MRPS14: variants seen among roughly 807,000 people sequenced by gnomAD.
MRPS14 encodes mitochondrial ribosomal protein S14, also known as small ribosomal subunit protein uS14m.
In MRPS14, 14 loss-of-function variants were observed where a neutral mutation model predicts 16.4. The observed-to-expected ratio is 0.85, with a 90% CI of 0.56 to 1.33. The LOEUF (loss-of-function observed/expected upper bound fraction) is 1.33, where lower values mean the gene tolerates loss of function less well. Ranked by LOEUF, MRPS14 falls within the 40% of genes most tolerant of loss-of-function variation. MRPS14 has a pLI of 0.00. For synonymous variants in MRPS14, 54 were observed against 61.9 expected (o/e 0.87, Z 0.60); for missense variants, 162 against 176.8 (o/e 0.92, Z 0.48).
Position 175,014,534 on chromosome 1 carries a change from G to C in MRPS14, c.*135C>G, listed in dbSNP as rs1672843888. The C allele has an allele frequency of 1.3e-6, 1 of 758,372 alleles. No individual in the cohort carries two copies. Among genetic ancestry groups the C allele is most frequent in the Non-Finnish European group, 2.0e-6 (1 of 496,142 alleles). The allele number at this position is 758,372 out of a possible 1,614,324, so 47.0% of individuals were successfully genotyped here. ...ATGTCTTCATTTTAAAAGTAGTTTA[G>C]AGATAGCATCAGGTAGGCCAAACAA... On this transcript the variant is annotated 3_prime_UTR_variant, in exon 3 of 3. Coordinates refer to ENST00000476371, the MANE Select transcript of MRPS14 (RefSeq NM_022100.3).
chr1:175,014,623 C>G lies in MRPS14; in HGVS notation c.*46G>C. 6.4e-7 allele frequency: 1 copy of G among 1,551,640 alleles called. No individual in the cohort carries two copies. Among genetic ancestry groups the G allele is most frequent in the Non-Finnish European group, 8.7e-7 (1 of 1,150,406 alleles). On this transcript the variant is annotated 3_prime_UTR_variant, in exon 3 of 3. Coordinates refer to ENST00000476371, the MANE Select transcript of MRPS14 (RefSeq NM_022100.3). ...TAAAAAAAATCTTTGCTTGCTGGAACTGCAAGCTTGGCTTCCCTGCAAGCT... is the reference window on the plus strand; with the variant it reads ...TAAAAAAAATCTTTGCTTGCTGGAAGTGCAAGCTTGGCTTCCCTGCAAGCT...
chr1:175,020,735 C>T (rs1046598048), intron 1 of MRPS14, among the ~76,000 whole-genome samples: 7 of 152,140 alleles, frequency 4.6e-5, no homozygotes, highest in African/African-American at 1.7e-4. Flanking sequence ...TCTTGAAATC[C>T]CAAAGTAATA....
chr1:175,021,227 G>A (rs1382261987), intron 1 of MRPS14, among the ~76,000 whole-genome samples: 1 of 152,068 alleles, frequency 6.6e-6, no homozygotes, highest in Non-Finnish European at 1.5e-5. Flanking sequence ...CATTGTTGCA[G>A]TCATCTACCA....
intron 2 of MRPS14, 82 bp from the exon 3 acceptor site, chr1:175,014,933 C>CTTTTTTTTTTTTTTTTTT (rs368085151): frequency 1.3e-6 from 1 of 743,490 alleles, no homozygotes; most frequent in Non-Finnish European, 1.9e-6. Context: ...AGGTAATTTT[C>CTTTTTTTTTTTTTTTTTT]TTTTCTTTTT....
rs1330135950 is a variant in MRPS14, at chr1:175,013,211, G to A, written c.*1458C>T. 6.6e-6 allele frequency: 1 copy of A among 152,162 alleles called. No individual in the cohort carries two copies. Among genetic ancestry groups the A allele is most frequent in the African/African-American group, 2.4e-5 (1 of 41,424 alleles). The allele number at this position is 152,162 out of a possible 1,614,324, so 9.4% of individuals were successfully genotyped here. A position where few individuals can be genotyped will look rare whatever the true frequency, so the allele number is the denominator to read the frequency against. The stretch of plus-strand genomic sequence containing the variant: ...TTCCCTCATAACTTCACCTCCACCT[G>A]AGTTTCGGACTCTGCTATCCAGCTG... On this transcript the variant is annotated 3_prime_UTR_variant, in exon 3 of 3. Coordinates refer to ENST00000476371, the MANE Select transcript of MRPS14 (RefSeq NM_022100.3).
intron 1 of MRPS14, among the ~76,000 whole-genome samples, chr1:175,019,452 T>G (rs1672939517): frequency 2.0e-5 from 3 of 151,984 alleles, no homozygotes; most frequent in Non-Finnish European, 4.4e-5. Flanking sequence ...TGGCTGTTTT[T>G]TTTGTTTTGT....
At chr1:175,017,636 A>T (rs1672906864) in intron 2 of MRPS14, among the ~76,000 whole-genome samples, 1 of 152,146 alleles carries the variant, frequency 6.6e-6, no homozygotes, top group African/African-American at 2.4e-5. Context: ...TAGGTGCAGG[A>T]CTTTATGCTT....
At position 175,023,370 on chromosome 1, in the gene MRPS14, GAA is replaced by G; in HGVS notation, c.37_38del (p.Phe13GlnfsTer33). On this transcript the variant is annotated frameshift_variant, in exon 1 of 3. Transcript: ENST00000476371. LOFTEE classifies it high-confidence loss of function. ...ATAAAAGTAGAGGCCTGACCTGCTT[GAA>G]CGTCCGCAGCAGCGAGCCCAGCATG... ...AFMLGSLLRT[F>X]KQMVPSSASG... is the part of the protein sequence containing the mutation. 6.2e-7 allele frequency: 1 copy of G among 1,614,142 alleles called. No individual in the cohort carries two copies. Among genetic ancestry groups the G allele is most frequent in the South Asian group, 1.1e-5 (1 of 91,054 alleles).
intron 2 of MRPS14, among the ~76,000 whole-genome samples, chr1:175,015,821 CAAATT>C (rs1672872423): frequency 6.6e-6 from 1 of 152,136 alleles, no homozygotes; most frequent in African/African-American, 2.4e-5. Flanking sequence ...TAAAATAACA[CAAATT>C]AAATGAAAGT....
intron 2 of MRPS14, among the ~76,000 whole-genome samples, chr1:175,016,175 CAA>C (rs1039334763): frequency 7.2e-6 from 1 of 138,736 alleles, no homozygotes; most frequent in African/African-American, 2.7e-5. Flanking sequence ...GCCTGGGCAA[CAA>C]GAGCAAAACC....
chr1:175,015,869 C>T (rs1021900868), intron 2 of MRPS14, among the ~76,000 whole-genome samples: 3 of 152,172 alleles, frequency 2.0e-5, no homozygotes, highest in Non-Finnish European at 4.4e-5. Flanking sequence ...AAAGCTTATG[C>T]ATGTGTTACC....
chr1:175,023,261 C>T (rs1314964226), intron 1 of MRPS14, 103 bp downstream of exon 1: 2 of 1,563,320 alleles, frequency 1.3e-6, no homozygotes, highest in Admixed American at 1.9e-5. Flanking sequence ...AACCCCTGGA[C>T]TGGTCCTCAC....
Position 175,018,440 on chromosome 1 carries a change from G to C in MRPS14, c.182C>G (p.Thr61Ser). 6.2e-7 allele frequency: 1 copy of C among 1,601,040 alleles called. No individual in the cohort carries two copies. Among genetic ancestry groups the C allele is most frequent in the Non-Finnish European group, 8.5e-7 (1 of 1,176,402 alleles). ...AACCTGAAGAATTTTTGGCAAAATG[G>C]TATTCTTCCTGAGTGAATTAATACG... ...RLRINSLRKN[T>S]ILPKILQDVA... The change falls in exon 2 of 3, where the codon ACC becomes AGC. Residue 61 changes from threonine to serine, a missense_variant. Physicochemically the swap from Thr to Ser is moderately conservative, Grantham distance 58. Transcript: ENST00000476371.
rs1245540859 is a variant in MRPS14, at chr1:175,013,272, A to G, written c.*1397T>C. ...TTCATCAGATGACACAGGCATCTCCAACACCGCATGACTGGAACCTGAACT... is the reference window on the plus strand; with the variant it reads ...TTCATCAGATGACACAGGCATCTCCGACACCGCATGACTGGAACCTGAACT... On this transcript the variant is annotated 3_prime_UTR_variant, in exon 3 of 3. Transcript: ENST00000476371. 1 of 152,204 alleles carries G rather than the reference A, an allele frequency of 6.6e-6. No individual in the cohort carries two copies. The highest frequency in any genetic ancestry group is 2.4e-5 in the African/African-American group (1 of 41,440). 9.4% of individuals were successfully genotyped at this position (152,204 alleles called of 1,614,324 possible). A position where few individuals can be genotyped will look rare whatever the true frequency, so the allele number is the denominator to read the frequency against.
chr1:175,017,371 G>A (rs1346933151), intron 2 of MRPS14, among the ~76,000 whole-genome samples: 1 of 152,162 alleles, frequency 6.6e-6, no homozygotes, highest in Non-Finnish European at 1.5e-5. Flanking sequence ...CTCCCTAAAT[G>A]TAGGAAAGTA....
At chr1:175,020,478 C>A (rs1374781843) in intron 1 of MRPS14, among the ~76,000 whole-genome samples, 5 of 152,048 alleles carry the variant, frequency 3.3e-5, no homozygotes, top group African/African-American at 1.2e-4. Context: ...TTTTGCATAC[C>A]TTTTTTTCTT....
intron 1 of MRPS14, chr1:175,022,402 T>C (rs1672993311): frequency 6.6e-6 from 1 of 151,566 alleles, no homozygotes; most frequent in South Asian, 2.1e-4. Context: ...TCCAGGTTCC[T>C]AAGACCAAAC....
intron 1 of MRPS14, among the ~76,000 whole-genome samples, chr1:175,018,892 A>C (rs535829478): frequency 3.5e-4 from 54 of 152,278 alleles, no homozygotes; most frequent in African/African-American, 1.2e-3. Flanking sequence ...TGGTTCAAAA[A>C]TCAAAAAGGT....
rs533845179 is a variant in MRPS14 at position 175,023,361 on chromosome 1, G to C, written c.45+3C>G. ...GCGGTGTGGATAAAAGTAGAGGCCT[G>C]ACCTGCTTGAACGTCCGCAGCAGCG... On this transcript the variant is annotated splice_donor_region_variant and intron_variant, in intron 1 of 2. Coordinates refer to ENST00000476371, the MANE Select transcript of MRPS14 (RefSeq NM_022100.3). 3.7e-6 allele frequency: 6 copies of C among 1,614,064 alleles called. No homozygotes were observed. The African/African-American group carries it at 5.3e-5, about 14-fold the overall frequency.
Sources: gnomAD v4.1 joint callset for allele counts (sites outside exome capture counted in the v4.1 genomes callset) on GRCh38, gnomAD v4.1.1 for gene constraint, MANE v1.5 for transcripts, NCBI Gene and HGNC (gene_info 2026-07-23, HGNC 2026-07-21) for gene names.